MSANTD3: variants seen among roughly 807,000 people sequenced by gnomAD.
MSANTD3 encodes Myb/SANT DNA binding domain containing 3.
A neutral mutation model predicts 27.7 loss-of-function variants in MSANTD3; 11 were observed. The observed-to-expected ratio is 0.40, with a 90% confidence interval of 0.25 to 0.66. The LOEUF (loss-of-function observed/expected upper bound fraction) is 0.66, where lower values mean the gene tolerates loss of function less well. MSANTD3 is among the 30% of genes least tolerant of loss of function. The pLI, the probability that MSANTD3 is intolerant of heterozygous loss-of-function variation, is 0.41. For missense variants in MSANTD3, 250 were observed against 336.5 expected, an observed-to-expected ratio of 0.74 and a Z score of 2.01; for synonymous variants, 131 against 127.2, an observed-to-expected ratio of 1.03 and a Z score of -0.20.
intron 1 of MSANTD3, among the ~76,000 whole-genome samples, chr9:100,434,990 C>A (rs1004735974): frequency 6.7e-6 from 1 of 149,770 alleles, no homozygotes; most frequent in African/African-American, 2.5e-5. Flanking sequence ...CACACACACA[C>A]GTGCGCACAC....
rs114353956 is a variant in MSANTD3 at position 100,444,882 on chromosome 9, A to G, written c.418+2526A>G. ...GGTACATTCTCAGTGTTTTTCTTAT[A>G]GTAACATTTAATAGTGACTCAAGTA... is the stretch of plus-strand genomic sequence containing the variant. On this transcript the variant is annotated intron_variant, in intron 2 of 2. Transcript: ENST00000395067. 4.3e-3 allele frequency: 1,096 copies of G among 253,610 alleles called. 10 individuals carry two copies. Among genetic ancestry groups the G allele is most frequent in the African/African-American group, 0.02 (906 of 45,344 alleles). The allele number at this position is 253,610 out of a possible 1,614,324, so 15.7% of individuals were successfully genotyped here.
chr9:100,442,514 A>G (rs1205422060), intron 2 of MSANTD3, among the ~76,000 whole-genome samples, 158 bp downstream of exon 2: 2 of 152,174 alleles, frequency 1.3e-5, no homozygotes. Flanking sequence ...AGGACATTCA[A>G]AGTCTTATAG....
chr9:100,435,231 G>C (rs779048232), intron 1 of MSANTD3, among the ~76,000 whole-genome samples: 3 of 152,140 alleles, frequency 2.0e-5, no homozygotes, highest in Non-Finnish European at 4.4e-5. Context: ...GGTAAAGTCA[G>C]GATTTGAGCC....
chr9:100,429,595 A>G (rs1646055190), intron 1 of MSANTD3: 1 of 152,300 alleles, frequency 6.6e-6, no homozygotes, highest in Non-Finnish European at 1.5e-5. Context: ...TACAACTGTC[A>G]GTGAGCTCAT....
chr9:100,431,218 T>C (rs1587781915), intron 1 of MSANTD3, among the ~76,000 whole-genome samples: 1 of 151,926 alleles, frequency 6.6e-6, no homozygotes, highest in Non-Finnish European at 1.5e-5. Flanking sequence ...GTCAGGCTGG[T>C]CTCGAACTCC....
rs774697156 is a variant in MSANTD3, at chr9:100,450,922, T to C, written c.784T>C (p.Trp262Arg). ...ERKLQTFTKEWPVSSFNRPFP... is the reference protein window; with the variant it reads ...ERKLQTFTKERPVSSFNRPFP... The stretch of plus-strand genomic sequence containing the variant: ...AAAACTACAAACTTTTACCAAGGAA[T>C]GGCCTGTTTCCTCATTTAACCGGCC... Residue 262 changes from tryptophan to arginine, a missense_variant, in exon 3 of 3, where the codon TGG becomes CGG. Coordinates refer to ENST00000395067, the MANE Select transcript of MSANTD3 (RefSeq NM_080655.3). The C allele has an allele frequency of 6.2e-7, 1 of 1,610,294 alleles. No individual in the cohort carries two copies. Among genetic ancestry groups the C allele is most frequent in the Non-Finnish European group, 8.5e-7 (1 of 1,178,816 alleles).
intron 2 of MSANTD3, among the ~76,000 whole-genome samples, chr9:100,445,849 C>G (rs17813663): frequency 0.14 from 21,483 of 152,196 alleles, 1,764 homozygotes; most frequent in Middle Eastern, 0.2. Context: ...TGAAAATGTC[C>G]ATCTGCATTC....
chr9:100,428,424 T>C (rs1246450689), intron 1 of MSANTD3, among the ~76,000 whole-genome samples: 2 of 152,004 alleles, frequency 1.3e-5, no homozygotes, highest in Non-Finnish European at 2.9e-5. Flanking sequence ...AGGATGGCTG[T>C]GGGAGTCCAG....
chr9:100,432,604 T>C (rs1836400252), intron 1 of MSANTD3, among the ~76,000 whole-genome samples: 1 of 152,132 alleles, frequency 6.6e-6, no homozygotes, highest in Admixed American at 6.5e-5. Context: ...ATTTATTGAG[T>C]GCTTGATGTA....
chr9:100,448,791 A>G, intron 2 of MSANTD3: 1 of 985,410 alleles, frequency 1.0e-6, no homozygotes, highest in Non-Finnish European at 1.2e-6. Flanking sequence ...TCTCCAGGAA[A>G]GATTTCCAAG....
intron 1 of MSANTD3, among the ~76,000 whole-genome samples, chr9:100,430,457 G>C (rs1350717889): frequency 6.6e-6 from 1 of 152,060 alleles, no homozygotes; most frequent in East Asian, 1.9e-4. Flanking sequence ...ATGAGGGGCT[G>C]GTGGGGGTGC....
At chr9:100,440,978 C>G (rs1836607356) in intron 1 of MSANTD3, among the ~76,000 whole-genome samples, 1 of 144,150 alleles carries the variant, frequency 6.9e-6, no homozygotes. Context: ...CTCTGTCACC[C>G]AGGCTGGATT....
At chr9:100,448,147 C>T (rs1438545868) in intron 2 of MSANTD3, 7 of 901,770 alleles carry the variant, frequency 7.8e-6, no homozygotes, top group Non-Finnish European at 9.2e-6. Context: ...GCTGAGATCA[C>T]GCCACTGCCC....
At chr9:100,441,238 CA>C (rs1168228700) in intron 1 of MSANTD3, among the ~76,000 whole-genome samples, 1 of 152,040 alleles carries the variant, frequency 6.6e-6, no homozygotes, top group Non-Finnish European at 1.5e-5. Flanking sequence ...CTTTTGTCCT[CA>C]GCTGTGACAA....
chr9:100,436,305 C>A (rs1449483749), intron 1 of MSANTD3, among the ~76,000 whole-genome samples: 1 of 152,186 alleles, frequency 6.6e-6, no homozygotes, highest in African/African-American at 2.4e-5. Context: ...CACCACCATA[C>A]CCAGCTAATG....
intron 1 of MSANTD3, among the ~76,000 whole-genome samples, chr9:100,439,152 C>A (rs763366276): frequency 6.6e-6 from 1 of 152,068 alleles, no homozygotes; most frequent in African/African-American, 2.4e-5. Context: ...AGTGAGAGAC[C>A]GTGATCAGGT....
At position 100,434,192 on chromosome 9, in the gene MSANTD3, A is replaced by G. The variant is rs566350648; in HGVS notation, c.-34+6799A>G. ...CTGCTTTCTGTTGATCCCCTACCCTACTGTGGACACATATACATCCTGCTC... is the reference window on the plus strand; with the variant it reads ...CTGCTTTCTGTTGATCCCCTACCCTGCTGTGGACACATATACATCCTGCTC... On this transcript the variant is annotated intron_variant, in intron 1 of 2. Transcript: ENST00000395067. Among the ~76,000 whole-genome samples, 7 of 152,186 alleles carry G rather than the reference A, an allele frequency of 4.6e-5. No homozygotes were observed. In the South Asian group the frequency reaches 1.0e-3, roughly 23 times the overall value.
rs1441366409 is a variant in MSANTD3, at chr9:100,442,311, C to T, written c.373C>T (p.Pro125Ser). The T allele has an allele frequency of 1.2e-6, 2 of 1,613,916 alleles. No individual in the cohort carries two copies. Among genetic ancestry groups the T allele is most frequent in the East Asian group, 2.2e-5 (1 of 44,884 alleles). Residue 125 changes from proline (P) to serine (S), a missense_variant, in exon 2 of 3, where the codon CCC becomes TCC. This residue lies in a region of MSANTD3 where 235 missense variants were observed against 299.3 expected (regional missense o/e 0.79). Coordinates refer to ENST00000395067, the MANE Select transcript of MSANTD3 (RefSeq NM_080655.3). ...LPEQLYFLQS[P>S]PEEEPEYHPD... ...GGAGCAGCTCTACTTCCTGCAGAGCCCCCCGGAGGAGGAGCCCGAATACCA... is the reference window on the plus strand; with the variant it reads ...GGAGCAGCTCTACTTCCTGCAGAGCTCCCCGGAGGAGGAGCCCGAATACCA...
At chr9:100,429,144 G>A (rs1025393625) in intron 1 of MSANTD3, among the ~76,000 whole-genome samples, 4 of 152,198 alleles carry the variant, frequency 2.6e-5, no homozygotes, top group Admixed American at 2.0e-4. Flanking sequence ...TAGGAAAGAC[G>A]TCTGGGAGAA....
Sources: allele counts gnomAD v4.1 joint callset (sites outside exome capture counted in the v4.1 genomes callset), GRCh38; gene constraint gnomAD v4.1.1; regional missense constraint gnomAD v4.1.1; transcripts MANE v1.5; gene names NCBI Gene and HGNC (gene_info 2026-07-23, HGNC 2026-07-21).